ANO2: variants seen among roughly 807,000 people sequenced by gnomAD.
ANO2 encodes the protein anoctamin-2.
Under a neutral mutation model 124.2 loss-of-function variants are expected in ANO2, and 101 were observed. The observed-to-expected ratio is 0.81, with a 90% CI of 0.69 to 0.96. The LOEUF (loss-of-function observed/expected upper bound fraction) is 0.96, where lower values mean the gene tolerates loss of function less well. Among genes scored for constraint, ANO2 ranks in the 40% least tolerant of loss-of-function variants. ANO2 has a pLI of 0.00. For missense variants in ANO2, 1,293 were observed against 1,274.5 expected (o/e 1.01, Z -0.22); for synonymous variants, 486 against 482.5 (o/e 1.01, Z -0.09).
At position 5,854,153 on chromosome 12, in the gene ANO2, A is replaced by G. The variant is rs1955016938; in HGVS notation, c.535-12T>C. On this transcript the variant is annotated splice_polypyrimidine_tract_variant and intron_variant, in intron 3 of 24. Transcript: ENST00000682330. ...CCCTGGCTTTTATTCTGCAAGGTAC[A>G]AAGAAAGAACAAATGGAAACACTTG... 2 of 1,609,154 alleles carry G rather than the reference A, an allele frequency of 1.2e-6. No homozygotes were observed. The highest frequency in any genetic ancestry group is 8.5e-7 in the Non-Finnish European group (1 of 1,176,376).
intron 3 of ANO2, among the ~76,000 whole-genome samples, chr12:5,873,441 T>C (rs1937869121): frequency 1.3e-5 from 2 of 152,160 alleles, no homozygotes; most frequent in African/African-American, 2.4e-5. Context: ...CTTCACACTC[T>C]ATGCCCTACT....
chr12:5,688,769 T>G (rs537439829), intron 14 of ANO2, among the ~76,000 whole-genome samples: 186 of 151,914 alleles, frequency 1.2e-3, no homozygotes, highest in Admixed American at 2.8e-3. Context: ...TTCCTGTTCC[T>G]TCACTTTGTT....
At chr12:5,742,394 C>T (rs1346775300) in intron 12 of ANO2, among the ~76,000 whole-genome samples, 1 of 151,956 alleles carries the variant, frequency 6.6e-6, no homozygotes, top group Non-Finnish European at 1.5e-5. Context: ...CCAAATCCTA[C>T]CCTATGCCAG....
At chr12:5,927,500 G>A (rs746155598) in intron 1 of ANO2, among the ~76,000 whole-genome samples, 6 of 152,152 alleles carry the variant, frequency 3.9e-5, no homozygotes, top group South Asian at 4.1e-4. Context: ...CAGTCCTTCC[G>A]AAATCTCCTT....
At chr12:5,810,150 T>C (rs1334160465) in intron 7 of ANO2, among the ~76,000 whole-genome samples, 2 of 152,144 alleles carry the variant, frequency 1.3e-5, no homozygotes, top group Non-Finnish European at 2.9e-5. Context: ...ACTTTTCAGG[T>C]GGTATCCTAT....
intron 20 of ANO2, among the ~76,000 whole-genome samples, chr12:5,590,286 C>T (rs892947051): frequency 6.6e-6 from 1 of 152,094 alleles, no homozygotes; most frequent in East Asian, 1.9e-4. Context: ...CTTCTTCTTC[C>T]AATGTGGCCC....
In ANO2 at chr12:5,862,843, T is replaced by C. The variant is rs1360260551; in HGVS notation, c.535-8702A>G. 1.3e-5 allele frequency among the ~76,000 whole-genome samples: 2 copies of C among 152,098 alleles called. No individual in the cohort carries two copies. Among genetic ancestry groups the C allele is most frequent in the African/African-American group, 4.8e-5 (2 of 41,406 alleles). On this transcript the variant is annotated intron_variant, in intron 3 of 24. Transcript: ENST00000682330. The surrounding 1 kb of genome is among the most constrained non-coding windows in gnomAD (Gnocchi z 4.0). ...TTCGCTCTTGTTACCCAGGCTGGAGTGCAATGGCGCAATCTTGGCTCACTG... is the reference window on the plus strand; with the variant it reads ...TTCGCTCTTGTTACCCAGGCTGGAGCGCAATGGCGCAATCTTGGCTCACTG...
rs1463922338 is a variant in ANO2 at position 5,800,893 on chromosome 12, G to GT, written c.991-1323dup. Among the ~76,000 whole-genome samples, 13 of 152,318 alleles carry GT rather than the reference G, an allele frequency of 8.5e-5. No homozygotes were observed. In the East Asian group the frequency reaches 1.5e-3, roughly 18 times the overall value. ...GGATGTTATTGCCAAAGAAGAGATA[G>GT]TAAGTATAGAAGATGCCTGAGGTCT... On this transcript the variant is annotated intron_variant, in intron 9 of 24. Coordinates refer to ENST00000682330, the MANE Select transcript of ANO2 (RefSeq NM_001364791.2).
chr12:5,632,346 C>G (rs1945762901), intron 16 of ANO2, among the ~76,000 whole-genome samples: 1 of 151,946 alleles, frequency 6.6e-6, no homozygotes. Context: ...GAGGTAGAAT[C>G]TGAGTCTGAA....
At chr12:5,723,765 C>G (rs1204386280) in intron 14 of ANO2, among the ~76,000 whole-genome samples, 2 of 152,196 alleles carry the variant, frequency 1.3e-5, no homozygotes, top group Non-Finnish European at 2.9e-5. Flanking sequence ...AGCAACAATT[C>G]CACTTTTGTG....
chr12:5,587,072 C>G (rs1049263160), intron 20 of ANO2, among the ~76,000 whole-genome samples: 3 of 152,234 alleles, frequency 2.0e-5, no homozygotes, highest in Non-Finnish European at 4.4e-5. Context: ...ACTGACAGCC[C>G]GTCCCCACAC....
chr12:5,737,902 T>C (rs879815466), intron 13 of ANO2, among the ~76,000 whole-genome samples: 1 of 152,196 alleles, frequency 6.6e-6, no homozygotes, highest in Admixed American at 6.5e-5. Context: ...AGAATGCATA[T>C]GTATATTCTC....
rs531281374 is a variant in ANO2 at position 5,640,611 on chromosome 12, G to A, written c.1621-5264C>T. On this transcript the variant is annotated intron_variant, in intron 15 of 24. Transcript: ENST00000682330. ...AAAGAAGACATTTATGCAGCCAACA[G>A]ACACATGAAAAAATGCTCATCATCA... Among the ~76,000 whole-genome samples the A allele has an allele frequency of 1.4e-4, 21 of 152,226 alleles. No homozygotes were observed. The East Asian group carries it at 3.1e-3, about 22-fold the overall frequency.
At chr12:5,687,111 C>T (rs1284364751) in intron 14 of ANO2, among the ~76,000 whole-genome samples, 1 of 152,232 alleles carries the variant, frequency 6.6e-6, no homozygotes, top group Admixed American at 6.5e-5. Flanking sequence ...GCACTTGGCA[C>T]ATCTTGGACT....
chr12:5,606,543 T>C (rs757971909), intron 19 of ANO2, among the ~76,000 whole-genome samples: 5 of 152,214 alleles, frequency 3.3e-5, no homozygotes, highest in African/African-American at 4.8e-5. Flanking sequence ...ACTGATGGTG[T>C]TAGTTTTCCA....
intron 14 of ANO2, among the ~76,000 whole-genome samples, chr12:5,715,814 T>TC (rs1382967611): frequency 1.3e-4 from 20 of 152,210 alleles, no homozygotes; most frequent in Admixed American, 6.5e-4. Flanking sequence ...GAGCTTCTGG[T>TC]AATCTATCCA....
chr12:5,663,531 A>G (rs1010827338), intron 14 of ANO2, among the ~76,000 whole-genome samples: 5 of 152,156 alleles, frequency 3.3e-5, no homozygotes, highest in Non-Finnish European at 7.3e-5. Context: ...ACTAAGACTC[A>G]GCTCCTGCAC....
intron 20 of ANO2, among the ~76,000 whole-genome samples, chr12:5,594,330 T>C (rs1943555808): frequency 1.3e-5 from 2 of 152,228 alleles, no homozygotes; most frequent in Admixed American, 1.3e-4. Flanking sequence ...GTTTTCTCTT[T>C]TCCTCCTGAG....
chr12:5,643,063 T>TACACACACACACACAC (rs67252256), intron 15 of ANO2, among the ~76,000 whole-genome samples: 35 of 149,984 alleles, frequency 2.3e-4, no homozygotes, highest in African/African-American at 7.8e-4. Context: ...AAATCCATTT[T>TACACACACACACACAC]ACACACACAC....
Sources: allele counts gnomAD v4.1 joint callset (sites outside exome capture counted in the v4.1 genomes callset), GRCh38; gene constraint gnomAD v4.1.1; non-coding constraint Gnocchi (gnomAD v3.1); transcripts MANE v1.5; gene names NCBI Gene and HGNC (gene_info 2026-07-23, HGNC 2026-07-21).